Variants in ANK3 observed in about 807,000 individuals in gnomAD.
ANK3 encodes the protein ankyrin-3.
Under a neutral mutation model 370.9 loss-of-function variants are expected in ANK3, and 57 were observed. The ratio of observed to expected loss-of-function variants is 0.15; its 90% confidence interval spans 0.12 to 0.19. The LOEUF (loss-of-function observed/expected upper bound fraction) is 0.19. Among genes scored for constraint, ANK3 ranks in the 10% least tolerant of loss-of-function variants. The pLI is 1.00. For synonymous variants in ANK3, 1,929 were observed against 1,946.3 expected (o/e 0.99, Z 0.23); for missense variants, 4,439 against 5,302.1 (o/e 0.84, Z 5.06).
At chr10:60,115,413 T>C (rs528168878) in intron 25 of ANK3, among the ~76,000 whole-genome samples, 2 of 152,136 alleles carry the variant, frequency 1.3e-5, no homozygotes, top group South Asian at 4.2e-4. Flanking sequence ...TAGCATAAAG[T>C]GAAAAATTGC....
At chr10:60,153,625 G>C (rs1453086094) in intron 23 of ANK3, among the ~76,000 whole-genome samples, 1 of 152,138 alleles carries the variant, frequency 6.6e-6, no homozygotes, top group Non-Finnish European at 1.5e-5. Context: ...TACATAGCTG[G>C]ATAAGTGGAT....
chr10:60,122,212 C>A (rs2093522566), intron 25 of ANK3, among the ~76,000 whole-genome samples: 1 of 152,152 alleles, frequency 6.6e-6, no homozygotes, highest in Non-Finnish European at 1.5e-5. Flanking sequence ...TCATTTTAGC[C>A]CTGGAAATTA....
In ANK3 at chr10:60,071,792, C is replaced by T. The variant is rs142337658; in HGVS notation, c.9089G>A (p.Ser3030Asn). 1 of 1,608,386 alleles carries T rather than the reference C, an allele frequency of 6.2e-7. No homozygotes were observed. Among genetic ancestry groups the T allele is most frequent in the African/African-American group, 1.3e-5 (1 of 74,586 alleles). Residue 3030 changes from serine to asparagine, a missense_variant, in exon 37 of 44, where the codon AGT becomes AAT. Physicochemically the swap from Ser to Asn is conservative, Grantham distance 46. Coordinates refer to ENST00000280772, the MANE Select transcript of ANK3 (RefSeq NM_020987.5). ...SEISKVSKHQ[S>N]YVGLCPPLEE... ...GAGAGGTGGGCATAAACCTACATAA[C>T]TCTGGTGTTTGGAAACTTTGCTGAT... is the stretch of plus-strand genomic sequence containing the variant.
chr10:60,260,103 T>C (rs1167222644), intron 7 of ANK3, among the ~76,000 whole-genome samples: 2 of 152,214 alleles, frequency 1.3e-5, no homozygotes, highest in African/African-American at 4.8e-5. Flanking sequence ...TTAATTTTTA[T>C]AGAACTAACA....
intron 28 of ANK3, among the ~76,000 whole-genome samples, chr10:60,100,998 C>A (rs1211444650): frequency 6.6e-6 from 1 of 152,132 alleles, no homozygotes; most frequent in African/African-American, 2.4e-5. Context: ...CCAGGCTGAG[C>A]TCCTGAAATC....
intron 2 of ANK3, among the ~76,000 whole-genome samples, chr10:60,493,579 A>G (rs1297788346): frequency 1.3e-5 from 2 of 152,102 alleles, no homozygotes; most frequent in Non-Finnish European, 2.9e-5. Context: ...TTAATGAACT[A>G]AATTTTGGAC....
chr10:60,731,728 GC>G (rs2080025021), intron 1 of ANK3, among the ~76,000 whole-genome samples: 2 of 152,212 alleles, frequency 1.3e-5, no homozygotes, highest in African/African-American at 4.8e-5. Context: ...TGCCTGAACT[GC>G]TAAAGCAGCA....
Position 60,592,045 on chromosome 10 carries a change from T to A in ANK3, c.96+23141A>T, listed in dbSNP as rs558904148. ...CAGGGTGACTATAGTCAATAATAAT[T>A]TAATTGTATATTTTGAAATAACAAA... On this transcript the variant is annotated intron_variant, in intron 2 of 43. Transcript: ENST00000373827. Among the ~76,000 whole-genome samples, 25 of 152,262 alleles carry A rather than the reference T, an allele frequency of 1.6e-4. No homozygotes were observed. In the South Asian group the frequency reaches 5.0e-3, roughly 30 times the overall value.
chr10:60,654,605 A>C (rs969512654), intron 1 of ANK3, among the ~76,000 whole-genome samples: 3 of 152,150 alleles, frequency 2.0e-5, no homozygotes, highest in African/African-American at 7.2e-5. Flanking sequence ...TCGATTTCTG[A>C]ATGTTAAACT....
At chr10:60,351,388 C>T (rs1338904792) in intron 1 of ANK3, among the ~76,000 whole-genome samples, 3 of 152,270 alleles carry the variant, frequency 2.0e-5, no homozygotes, top group East Asian at 1.9e-4. Context: ...CTCAGATGCA[C>T]GCTAATGGCA....
At chr10:60,532,327 C>T (rs1008679127) in intron 2 of ANK3, among the ~76,000 whole-genome samples, 1 of 152,112 alleles carries the variant, frequency 6.6e-6, no homozygotes, top group Non-Finnish European at 1.5e-5. Context: ...CTTTCATTTA[C>T]ACAACCAGGG....
chr10:60,395,580 C>CTTTCTTTCTT (rs2063209523), intron 2 of ANK3, among the ~76,000 whole-genome samples: 1 of 126,118 alleles, frequency 7.9e-6, no homozygotes, highest in African/African-American at 3.2e-5. Context: ...TTCTTTCTTT[C>CTTTCTTTCTT]TTTCTTTCTT....
At chr10:60,121,276 T>C (rs908926871) in intron 25 of ANK3, among the ~76,000 whole-genome samples, 1 of 151,416 alleles carries the variant, frequency 6.6e-6, no homozygotes, top group African/African-American at 2.4e-5. Context: ...TTAAAATAAT[T>C]GAGTTCATGG....
exon 2 of ANK3, chr10:60,615,223 C>T: frequency 6.6e-7 from 1 of 1,514,840 alleles, no homozygotes; most frequent in South Asian, 1.3e-5. Context: ...TCCAAAGCCA[C>T]CCTAAAAAAG....
chr10:60,588,258 C>A (rs2077861143), intron 2 of ANK3, among the ~76,000 whole-genome samples: 1 of 151,054 alleles, frequency 6.6e-6, no homozygotes, highest in Admixed American at 6.6e-5. Context: ...GATCTCAGCT[C>A]ACTACAACCT....
intron 17 of ANK3, among the ~76,000 whole-genome samples, chr10:60,183,005 C>A (rs1172855040): frequency 6.6e-6 from 1 of 152,192 alleles, no homozygotes; most frequent in Non-Finnish European, 1.5e-5. Flanking sequence ...ACTTTTGACA[C>A]TGAGGGTACC....
At chr10:60,662,571 T>C (rs2078948464) in intron 1 of ANK3, among the ~76,000 whole-genome samples, 1 of 152,210 alleles carries the variant, frequency 6.6e-6, no homozygotes, top group African/African-American at 2.4e-5. Flanking sequence ...TGTCACTTTA[T>C]AACATGTAAT....
intron 30 of ANK3, among the ~76,000 whole-genome samples, chr10:60,085,685 G>T (rs977039827): frequency 6.9e-6 from 1 of 144,812 alleles, no homozygotes; most frequent in African/African-American, 2.6e-5. Flanking sequence ...GTGCGATCTC[G>T]GCTCACTGCA....
At chr10:60,626,443 T>C (rs1567187132) in intron 1 of ANK3, among the ~76,000 whole-genome samples, 1 of 152,154 alleles carries the variant, frequency 6.6e-6, no homozygotes, top group Non-Finnish European at 1.5e-5. Flanking sequence ...TATAATAGTA[T>C]TCATAATTAC....
Sources: allele counts gnomAD v4.1 joint callset (sites outside exome capture counted in the v4.1 genomes callset), GRCh38; gene constraint gnomAD v4.1.1; transcripts MANE v1.5; gene names NCBI Gene and HGNC (gene_info 2026-07-23, HGNC 2026-07-21).